The following KIAA1549 variants were observed in gnomAD, a reference collection of about 807,000 sequenced individuals.
KIAA1549 encodes the protein UPF0606 protein KIAA1549.
A neutral mutation model predicts 156.4 loss-of-function variants in KIAA1549; 70 were observed. That is an observed-to-expected ratio of 0.45 (90% confidence interval 0.37 to 0.55). The LOEUF is 0.55. KIAA1549 is among the 20% of genes least tolerant of loss of function. The probability of loss-of-function intolerance (pLI) is 0.00; values close to 1 mark genes in which losing one functional copy is unlikely to be tolerated. For synonymous variants in KIAA1549, 1,103 were observed against 1,066.4 expected (o/e 1.03, Z -0.67); for missense variants, 2,428 against 2,540.9 (o/e 0.96, Z 0.96).
intron 9 of KIAA1549, among the ~76,000 whole-genome samples, chr7:138,894,935 G>A (rs1258392523): frequency 6.6e-6 from 1 of 152,180 alleles, no homozygotes; most frequent in Non-Finnish European, 1.5e-5. Flanking sequence ...TGTGTCTCCA[G>A]AACATAATCC....
chr7:138,869,796 G>A (rs1047164519), intron 13 of KIAA1549, 35 bp from the exon 14 acceptor site: 1 of 1,516,518 alleles, frequency 6.6e-7, no homozygotes, highest in Non-Finnish European at 9.0e-7. Context: ...GACAGCCATA[G>A]AGGTCCCGGG....
At chr7:138,859,900 C>T (rs148115999) in intron 16 of KIAA1549, among the ~76,000 whole-genome samples, 1 of 152,218 alleles carries the variant, frequency 6.6e-6, no homozygotes, top group East Asian at 1.9e-4. Context: ...CCTTCTTCAA[C>T]TGACAACCAC....
At chr7:138,947,191 G>C (rs1053839696) in intron 1 of KIAA1549, among the ~76,000 whole-genome samples, 1 of 152,194 alleles carries the variant, frequency 6.6e-6, no homozygotes, top group African/African-American at 2.4e-5. Context: ...GCTGACCCAA[G>C]ATGAAACGTT....
At chr7:138,892,417 A>G (rs1457271608) in intron 10 of KIAA1549, among the ~76,000 whole-genome samples, 1 of 152,186 alleles carries the variant, frequency 6.6e-6, no homozygotes, top group Non-Finnish European at 1.5e-5. Context: ...CTGTAACAAC[A>G]CTCTTCAACA....
At position 138,956,127 on chromosome 7, in the gene KIAA1549, C is replaced by T. The variant is rs578055204; in HGVS notation, c.187+24956G>A. On this transcript the variant is annotated intron_variant, in intron 1 of 19. Coordinates refer to ENST00000422774, the MANE Select transcript of KIAA1549 (RefSeq NM_001164665.2). ...CAGGCTGGTCTTGAACTCCCGACCTCAAGCGACACGCCCACCTCAGCCTCC... is the reference window on the plus strand; with the variant it reads ...CAGGCTGGTCTTGAACTCCCGACCTTAAGCGACACGCCCACCTCAGCCTCC... Among the ~76,000 whole-genome samples, 11 of 152,290 alleles carry T rather than the reference C, an allele frequency of 7.2e-5. No individual in the cohort carries two copies. The South Asian group carries it at 1.5e-3, about 20-fold the overall frequency.
intron 1 of KIAA1549, among the ~76,000 whole-genome samples, chr7:138,979,501 A>G (rs1814479688): frequency 6.6e-6 from 1 of 152,194 alleles, no homozygotes; most frequent in African/African-American, 2.4e-5. Flanking sequence ...CCTAACTCAC[A>G]ACGTGATTGG....
chr7:138,841,508 C>T (rs1228197811), intron 18 of KIAA1549, among the ~76,000 whole-genome samples: 1 of 152,064 alleles, frequency 6.6e-6, no homozygotes, highest in Non-Finnish European at 1.5e-5. Flanking sequence ...CAACTTCTGT[C>T]GTATGGAAAT....
chr7:138,868,836 C>G (rs968576630), intron 14 of KIAA1549, among the ~76,000 whole-genome samples: 1 of 152,172 alleles, frequency 6.6e-6, no homozygotes, highest in Non-Finnish European at 1.5e-5. Flanking sequence ...CAGGGGCTAC[C>G]AGGCCGTCTC....
intron 10 of KIAA1549, among the ~76,000 whole-genome samples, chr7:138,884,877 C>T (rs1811345908): frequency 6.6e-6 from 1 of 152,230 alleles, no homozygotes; most frequent in Admixed American, 6.5e-5. Flanking sequence ...TATTTCTTCT[C>T]CTGTAACTCC....
intron 1 of KIAA1549, among the ~76,000 whole-genome samples, chr7:138,970,938 C>A (rs1454102667): frequency 0.016 from 2 of 126 alleles, no homozygotes; most frequent in Non-Finnish European, 0.029. Flanking sequence ...CTTCCTCAGG[C>A]CCAAACAGAG....
rs925898308 is a variant in KIAA1549 at position 138,833,865 on chromosome 7, T to C, written c.*4041A>G. 1.7e-5 allele frequency: 4 copies of C among 232,666 alleles called. No individual in the cohort carries two copies. The highest frequency in any genetic ancestry group is 1.2e-4 in the East Asian group (2 of 16,528). The allele number at this position is 232,666 out of a possible 1,614,324, so 14.4% of individuals were successfully genotyped here. On this transcript the variant is annotated 3_prime_UTR_variant, in exon 20 of 20. Transcript: ENST00000422774. The stretch of plus-strand genomic sequence containing the variant: ...CAGCCCTGGTCGTTTCCTTGCTGCA[T>C]GACTGCAAAAGCATCCTTCCAGCAC...
chr7:138,958,288 G>T (rs1813730472), intron 1 of KIAA1549, among the ~76,000 whole-genome samples: 1 of 152,122 alleles, frequency 6.6e-6, no homozygotes, highest in African/African-American at 2.4e-5. Context: ...CCGGATCTAG[G>T]TGCCACCATC....
At position 138,918,303 on chromosome 7, in the gene KIAA1549, G is replaced by A. The variant is rs568574494; in HGVS notation, c.1323C>T (p.Asp441=). 44 of 1,613,840 alleles carry A rather than the reference G, an allele frequency of 2.7e-5. No homozygotes were observed. Among genetic ancestry groups the A allele is most frequent in the South Asian group, 2.3e-4 (21 of 91,088 alleles). ...QVLATSLMEK[D]VGSGDGAETL... is the part of the protein sequence containing the mutation. ...TCTCGGCACCATCCCCTGATCCCAC[G>A]TCTTTCTCCATGAGGCTCGTGGCCA... Residue 441 remains aspartate, a synonymous_variant, in exon 2 of 20, where the codon GAC becomes GAT. Coordinates refer to ENST00000422774, the MANE Select transcript of KIAA1549 (RefSeq NM_001164665.2). This position sits in a 1 kb window ranked among gnomAD's most constrained non-coding sequence, Gnocchi z 4.2.
rs575089084 is a variant in KIAA1549, at chr7:138,937,131, C to T, written c.188-17693G>A. On this transcript the variant is annotated intron_variant, in intron 1 of 19. Coordinates refer to ENST00000422774, the MANE Select transcript of KIAA1549 (RefSeq NM_001164665.2). ...CCGCCTGTGCCATTAGTATTACCCT[C>T]CCCTACAACCAGCCCATGCCCCAGC... 7.6e-4 allele frequency among the ~76,000 whole-genome samples: 116 copies of T among 152,284 alleles called. 1 individual carries two copies. The highest frequency in any genetic ancestry group is 2.4e-3 in the African/African-American group (100 of 41,548).
Position 138,918,642 on chromosome 7 carries a change from C to T in KIAA1549, c.984G>A (p.Val328=), listed in dbSNP as rs1812430665. 4.3e-6 allele frequency: 7 copies of T among 1,613,808 alleles called. No individual in the cohort carries two copies. The highest frequency in any genetic ancestry group is 1.7e-5 in the Admixed American group (1 of 60,022). Residue 328 remains valine (V), a synonymous_variant, in exon 2 of 20, where the codon GTG becomes GTA. Coordinates refer to ENST00000422774, the MANE Select transcript of KIAA1549 (RefSeq NM_001164665.2). This position sits in a 1 kb window ranked among gnomAD's most constrained non-coding sequence, Gnocchi z 4.2. The part of the protein sequence containing the change: ...SADRYTDVTT[V]LSQSLEETIS... Reference sequence around the variant, plus strand: ...TGGTTTCTTCTAGGCTTTGACTCAACACAGTGGTCACATCAGTGTATCTGT... The same window carrying T: ...TGGTTTCTTCTAGGCTTTGACTCAATACAGTGGTCACATCAGTGTATCTGT...
At chr7:138,893,081 G>C (rs1811586953) in intron 10 of KIAA1549, among the ~76,000 whole-genome samples, 1 of 152,212 alleles carries the variant, frequency 6.6e-6, no homozygotes, top group South Asian at 2.1e-4. Flanking sequence ...CACCAGGTGA[G>C]CTCAATGTTG....
At chr7:138,913,873 G>A (rs1399465180) in intron 2 of KIAA1549, among the ~76,000 whole-genome samples, 1 of 151,836 alleles carries the variant, frequency 6.6e-6, no homozygotes. Flanking sequence ...TGGCAAGAAG[G>A]AAAGATGCCT....
At position 138,981,140 on chromosome 7, in the gene KIAA1549, G is replaced by T. The variant is rs188225028; in HGVS notation, c.130C>A (p.Leu44Met). The T allele has an allele frequency of 4.9e-6, 6 of 1,212,316 alleles. 1 individual carries two copies. The highest frequency in any genetic ancestry group is 6.2e-6 in the Non-Finnish European group (6 of 975,284). The allele number at this position is 1,212,316 out of a possible 1,614,324, so 75.1% of individuals were successfully genotyped here. ...AGCAGCCAGAGGCCAGGAAGCAGCA[G>T]CCCCGGGCGGCGGCGGCGGGCGCAG... is the stretch of plus-strand genomic sequence containing the variant. ...ARCARRRRPG[L>M]LLPGLWLLLL... Residue 44 changes from leucine (L) to methionine (M), a missense_variant, in exon 1 of 20, where the codon CTG (leucine) becomes ATG (methionine). Transcript: ENST00000422774. This position sits in a 1 kb window ranked among gnomAD's most constrained non-coding sequence, Gnocchi z 4.5.
At chr7:138,863,759 C>T (rs575518649) in intron 15 of KIAA1549, among the ~76,000 whole-genome samples, 22 of 152,284 alleles carry the variant, frequency 1.4e-4, no homozygotes, top group African/African-American at 4.6e-4. Context: ...TCCCCACTGG[C>T]GACCTCCCTC....
Sources: allele counts gnomAD v4.1 joint callset (sites outside exome capture counted in the v4.1 genomes callset), GRCh38; gene constraint gnomAD v4.1.1; non-coding constraint Gnocchi (gnomAD v3.1); transcripts MANE v1.5; gene names NCBI Gene and HGNC (gene_info 2026-07-23, HGNC 2026-07-21).